The following ZNF676 variants were observed in gnomAD, a reference collection of about 807,000 sequenced individuals.
ZNF676 encodes the protein zinc finger protein 676.
A neutral mutation model predicts 6.0 loss-of-function variants in ZNF676; 4 were observed. That is an observed-to-expected ratio of 0.67 (90% confidence interval 0.33 to 1.53). The LOEUF (loss-of-function observed/expected upper bound fraction) is 1.53, where lower values mean the gene tolerates loss of function less well. Ranked by LOEUF, ZNF676 falls within the 40% of genes most tolerant of loss-of-function variation. ZNF676 has a pLI of 0.06. For missense variants in ZNF676, 644 were observed against 679.7 expected, an observed-to-expected ratio of 0.95 and a Z score of 0.58; for synonymous variants, 198 against 223.1, an observed-to-expected ratio of 0.89 and a Z score of 1.00.
the ZNF676 span, chr19:22,244,952 G>C: frequency 1.3e-5 from 2 of 152,178 alleles, no homozygotes; most frequent in Non-Finnish European, 2.9e-5. Context: ...TGGCATGGCC[G>C]AGGAAGAAGT....
the ZNF676 span, among the ~76,000 whole-genome samples, chr19:22,255,880 G>A: frequency 6.7e-6 from 1 of 150,278 alleles, no homozygotes; most frequent in Non-Finnish European, 1.5e-5. Flanking sequence ...AAAAAAAATA[G>A]TTTTGCTATC....
At chr19:22,229,691 T>A in the ZNF676 span, among the ~76,000 whole-genome samples, 1 of 151,928 alleles carries the variant, frequency 6.6e-6, no homozygotes, top group African/African-American at 2.4e-5. Flanking sequence ...GGGCAAAGGA[T>A]AAGAACAGAC....
intron 1 of ZNF676, among the ~76,000 whole-genome samples, chr19:22,211,941 T>C (rs2024132599): frequency 6.6e-6 from 1 of 152,110 alleles, no homozygotes; most frequent in African/African-American, 2.4e-5. Flanking sequence ...GGCTCACACC[T>C]GTAATCTCAG....
At chr19:22,190,242 C>T (rs1332911316) in intron 2 of ZNF676, among the ~76,000 whole-genome samples, 3 of 151,964 alleles carry the variant, frequency 2.0e-5, no homozygotes, top group African/African-American at 7.2e-5. Context: ...AAGCTGGAAA[C>T]CATCATTCTC....
rs140880786 is a variant in ZNF676 at position 22,189,578 on chromosome 19, C to A, written c.130+3438G>T. ...CAAAAGAAACTATCATCAGAGTGAACAGGCAACCTACAGAATGGGAGAAAA... is the reference window on the plus strand; with the variant it reads ...CAAAAGAAACTATCATCAGAGTGAAAAGGCAACCTACAGAATGGGAGAAAA... On this transcript the variant is annotated intron_variant, in intron 2 of 2. Coordinates refer to ENST00000397121, the MANE Select transcript of ZNF676 (RefSeq NM_001001411.3). 8.1e-4 allele frequency among the ~76,000 whole-genome samples: 124 copies of A among 152,154 alleles called. 3 individuals carry two copies. In the East Asian group the frequency reaches 0.023, roughly 28 times the overall value.
At chr19:22,197,831 AT>A (rs1298425979), upstream of ZNF676, among the ~76,000 whole-genome samples, 2 of 152,234 alleles carry the variant, frequency 1.3e-5, no homozygotes, top group Admixed American at 6.5e-5. Context: ...ACTAGAACAC[AT>A]TTTTTTAATG....
At chr19:22,200,772 A>G (rs1229188547), upstream of ZNF676, among the ~76,000 whole-genome samples, 1 of 151,814 alleles carries the variant, frequency 6.6e-6, no homozygotes, top group African/African-American at 2.4e-5. Context: ...CTGGTCTCGA[A>G]CTCCTGACCT....
chr19:22,238,637 G>C, the ZNF676 span, among the ~76,000 whole-genome samples: 2 of 152,084 alleles, frequency 1.3e-5, no homozygotes, highest in African/African-American at 4.8e-5. Flanking sequence ...TCTCCAGAGG[G>C]ACAGAACTAA....
At chr19:22,194,284 T>A (rs745835679) in intron 1 of ZNF676, among the ~76,000 whole-genome samples, 1 of 152,168 alleles carries the variant, frequency 6.6e-6, no homozygotes, top group Non-Finnish European at 1.5e-5. Flanking sequence ...AGATCCCTAA[T>A]GCCCCTGCTG....
the ZNF676 span, chr19:22,245,489 G>C: frequency 2.5e-5 from 3 of 120,142 alleles, no homozygotes; most frequent in Non-Finnish European, 5.1e-5. Context: ...GATGGGCCCA[G>C]AGATATGTCA....
At chr19:22,255,976 T>C in the ZNF676 span, among the ~76,000 whole-genome samples, 5 of 152,200 alleles carry the variant, frequency 3.3e-5, no homozygotes, top group African/African-American at 4.8e-5. Context: ...TTGCAGTCTG[T>C]CCACCTGTGA....
chr19:22,185,194 T>G (rs1172622513), intron 2 of ZNF676, among the ~76,000 whole-genome samples: 1 of 152,132 alleles, frequency 6.6e-6, no homozygotes, highest in Admixed American at 6.5e-5. Context: ...TTTGTTATTC[T>G]GCAGCCTCTG....
the ZNF676 span, among the ~76,000 whole-genome samples, chr19:22,252,906 C>T: frequency 2.9e-3 from 441 of 152,320 alleles, no homozygotes; most frequent in African/African-American, 9.7e-3. Flanking sequence ...GTATATGTCA[C>T]AGTCACAGCT....
At chr19:22,195,757 A>T (rs1466043961) in intron 1 of ZNF676, among the ~76,000 whole-genome samples, 2 of 152,246 alleles carry the variant, frequency 1.3e-5, no homozygotes, top group Non-Finnish European at 1.5e-5. Flanking sequence ...CCAACGTAGA[A>T]TATAACCAAA....
At chr19:22,195,459 C>G (rs1221629146) in intron 1 of ZNF676, among the ~76,000 whole-genome samples, 1 of 152,264 alleles carries the variant, frequency 6.6e-6, no homozygotes, top group East Asian at 1.9e-4. Context: ...GTCCGCAGAC[C>G]CTTAGGCATG....
the ZNF676 span, among the ~76,000 whole-genome samples, chr19:22,253,628 G>A: frequency 1.6e-4 from 24 of 151,844 alleles, no homozygotes; most frequent in Non-Finnish European, 2.9e-4. Flanking sequence ...TCCATTGAAT[G>A]CATCCAGGTA....
chr19:22,201,494 T>C (rs1402567971), upstream of ZNF676, among the ~76,000 whole-genome samples: 2 of 152,144 alleles, frequency 1.3e-5, no homozygotes, highest in Non-Finnish European at 2.9e-5. Context: ...GAAATCAACC[T>C]CACTCTGCAT....
chr19:22,214,500 G>A (rs2024163087), intron 1 of ZNF676, among the ~76,000 whole-genome samples: 1 of 150,902 alleles, frequency 6.6e-6, no homozygotes, highest in Non-Finnish European at 1.5e-5. Context: ...TTGGGAGGCT[G>A]AGGCAGGAGA....
At chr19:22,190,658 TATATATAC>T (rs1459709057) in intron 2 of ZNF676, among the ~76,000 whole-genome samples, 7 of 123,776 alleles carry the variant, frequency 5.7e-5, no homozygotes, top group African/African-American at 3.4e-4. Flanking sequence ...TATATATATA[TATATATAC>T]ATACACACTT....
Sources: gnomAD v4.1 joint callset for allele counts (sites outside exome capture counted in the v4.1 genomes callset) on GRCh38, gnomAD v4.1.1 for gene constraint, MANE v1.5 for transcripts, NCBI Gene and HGNC (gene_info 2026-07-23, HGNC 2026-07-21) for gene names.